SMYD3: variants seen among roughly 807,000 people sequenced by gnomAD.
SMYD3 encodes histone-lysine N-methyltransferase SMYD3.
A neutral mutation model predicts 57.7 loss-of-function variants in SMYD3; 36 were observed. That is an observed-to-expected ratio of 0.62 (90% CI 0.48 to 0.82). The LOEUF is 0.82. SMYD3 is among the 40% of genes least tolerant of loss of function. The pLI is 0.00. For missense variants in SMYD3, 515 were observed against 538.8 expected (o/e 0.96, Z 0.44); for synonymous variants, 211 against 195.0 (o/e 1.08, Z -0.68).
At chr1:246,109,181 A>C (rs2061183349) in intron 5 of SMYD3, among the ~76,000 whole-genome samples, 1 of 144,132 alleles carries the variant, frequency 6.9e-6, no homozygotes, top group African/African-American at 2.9e-5. Flanking sequence ...TGAATGAACC[A>C]CTCTAAAATG....
At chr1:246,003,049 G>A (rs1322793413) in intron 5 of SMYD3, among the ~76,000 whole-genome samples, 1 of 152,254 alleles carries the variant, frequency 6.6e-6, no homozygotes, top group Non-Finnish European at 1.5e-5. Context: ...GAAGGATAAG[G>A]CAGAGAAGAG....
At chr1:246,219,795 ACACT>A (rs1336988406) in intron 5 of SMYD3, among the ~76,000 whole-genome samples, 2 of 152,058 alleles carry the variant, frequency 1.3e-5, no homozygotes, top group Non-Finnish European at 2.9e-5. Flanking sequence ...CAACCAAAAA[ACACT>A]CACCCAGGCT....
chr1:246,458,386 CTT>C (rs2067737003), intron 1 of SMYD3, among the ~76,000 whole-genome samples: 1 of 149,688 alleles, frequency 6.7e-6, no homozygotes, highest in Non-Finnish European at 1.5e-5. Context: ...CTGTGCATGA[CTT>C]GATATACTTT....
intron 8 of SMYD3, among the ~76,000 whole-genome samples, chr1:245,910,671 G>T (rs1406642344): frequency 6.6e-6 from 1 of 152,008 alleles, no homozygotes; most frequent in African/African-American, 2.4e-5. Context: ...AAAATACATT[G>T]AGAAAGGAAA....
chr1:245,782,003 A>T (rs976846858), intron 10 of SMYD3, among the ~76,000 whole-genome samples: 4 of 151,798 alleles, frequency 2.6e-5, no homozygotes, highest in Non-Finnish European at 5.9e-5. Context: ...AATTTTTTTT[A>T]AAAAAGAAAC....
At chr1:246,324,057 A>G (rs185417981) in intron 5 of SMYD3, among the ~76,000 whole-genome samples, 56 of 152,322 alleles carry the variant, frequency 3.7e-4, no homozygotes, top group African/African-American at 1.3e-3. Context: ...AGTCAAAAAA[A>G]TTAAGACATA....
chr1:246,097,756 T>C (rs537263029), intron 5 of SMYD3, among the ~76,000 whole-genome samples: 2 of 152,222 alleles, frequency 1.3e-5, no homozygotes, highest in East Asian at 1.9e-4. Context: ...ATCAATATGA[T>C]GTAGAGGAGT....
intron 5 of SMYD3, among the ~76,000 whole-genome samples, chr1:246,088,571 C>G (rs2060766912): frequency 7.5e-6 from 1 of 133,832 alleles, no homozygotes; most frequent in Admixed American, 7.3e-5. Flanking sequence ...GATCATGCCA[C>G]TGCACTCCAG....
At position 246,141,841 on chromosome 1, in the gene SMYD3, G is replaced by C. The variant is rs570863006; in HGVS notation, c.531+185360C>G. Among the ~76,000 whole-genome samples the C allele has an allele frequency of 3.3e-5, 5 of 152,354 alleles. No homozygotes were observed. The South Asian group carries it at 1.0e-3, about 32-fold the overall frequency. Reference sequence around the variant, plus strand: ...TTGAGTTCTATGTTCAGTGGAAGCAGAGTCGAGCTGGAAGCAATGAAAGAC... The same window carrying C: ...TTGAGTTCTATGTTCAGTGGAAGCACAGTCGAGCTGGAAGCAATGAAAGAC... On this transcript the variant is annotated intron_variant, in intron 5 of 11. Coordinates refer to ENST00000490107, the MANE Select transcript of SMYD3 (RefSeq NM_001167740.2).
chr1:245,910,381 A>G (rs2054879733), intron 8 of SMYD3, among the ~76,000 whole-genome samples: 1 of 152,152 alleles, frequency 6.6e-6, no homozygotes, highest in Non-Finnish European at 1.5e-5. Context: ...AGCAATCTAC[A>G]TTTTCAATGT....
intron 1 of SMYD3, among the ~76,000 whole-genome samples, chr1:246,395,570 C>A (rs189835319): frequency 9.1e-4 from 128 of 140,018 alleles, no homozygotes; most frequent in Middle Eastern, 3.7e-3. Context: ...TGCACTACTA[C>A]TGCGAGTGGA....
intron 5 of SMYD3, among the ~76,000 whole-genome samples, chr1:246,099,744 C>G (rs915698832): frequency 6.6e-6 from 1 of 151,466 alleles, no homozygotes; most frequent in Non-Finnish European, 1.5e-5. Context: ...CATGAAAGAC[C>G]TTCTCATGGC....
At chr1:246,205,676 T>C (rs887498831) in intron 5 of SMYD3, among the ~76,000 whole-genome samples, 1 of 151,890 alleles carries the variant, frequency 6.6e-6, no homozygotes, top group Non-Finnish European at 1.5e-5. Context: ...AAAAATTAGC[T>C]GGGCATGGTG....
At chr1:246,017,945 G>T (rs148531737) in intron 5 of SMYD3, among the ~76,000 whole-genome samples, 1,623 of 152,162 alleles carry the variant, frequency 0.011, 6 homozygotes, top group Middle Eastern at 0.02. Context: ...CCTCATCTTT[G>T]GACATTTCCT....
chr1:246,060,181 A>C (rs6698425), intron 5 of SMYD3, among the ~76,000 whole-genome samples: 1 of 151,888 alleles, frequency 6.6e-6, no homozygotes, highest in Non-Finnish European at 1.5e-5. Flanking sequence ...CCAGCTACTT[A>C]GGAGGCTGAG....
chr1:246,040,950 A>C (rs954602242), intron 5 of SMYD3, among the ~76,000 whole-genome samples: 1 of 152,242 alleles, frequency 6.6e-6, no homozygotes, highest in Non-Finnish European at 1.5e-5. Flanking sequence ...AAAAAGACAG[A>C]TATATAGTCA....
chr1:245,827,329 G>A (rs1284472883), intron 10 of SMYD3, among the ~76,000 whole-genome samples: 1 of 152,182 alleles, frequency 6.6e-6, no homozygotes, highest in Admixed American at 6.5e-5. Flanking sequence ...GCGACACTGA[G>A]GCCCAGATAC....
rs533333982 is a variant in SMYD3, at chr1:246,311,599, C to A, written c.531+15602G>T. Among the ~76,000 whole-genome samples the A allele has an allele frequency of 6.6e-5, 10 of 152,244 alleles. No individual in the cohort carries two copies. In the South Asian group the frequency reaches 2.1e-3, roughly 32 times the overall value. ...GGTAGAAGCTCATTAGCCTTAGGAACCACCCTCCTTGAACACTCACACGCA... is the reference window on the plus strand; with the variant it reads ...GGTAGAAGCTCATTAGCCTTAGGAAACACCCTCCTTGAACACTCACACGCA... On this transcript the variant is annotated intron_variant, in intron 5 of 11. Coordinates refer to ENST00000490107, the MANE Select transcript of SMYD3 (RefSeq NM_001167740.2).
Position 246,236,856 on chromosome 1 carries a change from G to A in SMYD3, c.531+90345C>T, listed in dbSNP as rs145555155. 1.8e-4 allele frequency among the ~76,000 whole-genome samples: 28 copies of A among 152,222 alleles called. No homozygotes were observed. In the East Asian group the frequency reaches 5.4e-3, roughly 29 times the overall value. On this transcript the variant is annotated intron_variant, in intron 5 of 11. Coordinates refer to ENST00000490107, the MANE Select transcript of SMYD3 (RefSeq NM_001167740.2). Reference sequence around the variant, plus strand: ...AAAGTAGCTTGAAAGAAGGCTGTAAGAAAGGTATCTAAATTCTGAAAATGC... The same window carrying A: ...AAAGTAGCTTGAAAGAAGGCTGTAAAAAAGGTATCTAAATTCTGAAAATGC...
Sources: allele counts gnomAD v4.1 joint callset (sites outside exome capture counted in the v4.1 genomes callset), GRCh38; gene constraint gnomAD v4.1.1; transcripts MANE v1.5; gene names NCBI Gene and HGNC (gene_info 2026-07-23, HGNC 2026-07-21).